Variants in GLIS3 observed in about 807,000 individuals in gnomAD.
GLIS3 encodes zinc finger protein GLIS3.
Under a neutral mutation model 78.6 loss-of-function variants are expected in GLIS3, and 53 were observed. That is an observed-to-expected ratio of 0.67 (90% confidence interval 0.54 to 0.85). The LOEUF (loss-of-function observed/expected upper bound fraction) is 0.85, where lower values mean the gene tolerates loss of function less well. Ranked by LOEUF, GLIS3 falls within the 40% of genes least tolerant of loss-of-function variation. The probability of loss-of-function intolerance (pLI) is 0.00; values close to 1 mark genes in which losing one functional copy is unlikely to be tolerated. For synonymous variants in GLIS3, 684 were observed against 509.9 expected, an observed-to-expected ratio of 1.34 and a Z score of -4.60; for missense variants, 1,703 against 1,231.1, an observed-to-expected ratio of 1.38 and a Z score of -5.74.
chr9:3,952,933 C>T lies in GLIS3; in HGVS notation c.1711-15744G>A, dbSNP rs568227991. On this transcript the variant is annotated intron_variant, in intron 4 of 10. Transcript: ENST00000381971. ...GGGGAGCTAACTGATAATCCCAGCC[C>T]AGCTTTTCCCTTATGCGAGTCTTAT... Among the ~76,000 whole-genome samples the T allele has an allele frequency of 1.2e-4, 19 of 152,286 alleles. No homozygotes were observed. In the East Asian group the frequency reaches 2.5e-3, roughly 20 times the overall value.
chr9:4,021,063 C>T (rs1822845293), intron 4 of GLIS3, among the ~76,000 whole-genome samples: 1 of 152,196 alleles, frequency 6.6e-6, no homozygotes, highest in Non-Finnish European at 1.5e-5. Flanking sequence ...TTGGATAAGT[C>T]CCTCAAAGAG....
chr9:4,297,165 A>T (rs1353122343), intron 1 of GLIS3, among the ~76,000 whole-genome samples: 1 of 152,114 alleles, frequency 6.6e-6, no homozygotes, highest in Non-Finnish European at 1.5e-5. Flanking sequence ...TCCAGTGAGG[A>T]ACAAGACAGA....
At chr9:4,085,003 G>C (rs536250269) in intron 4 of GLIS3, among the ~76,000 whole-genome samples, 1 of 123,610 alleles carries the variant, frequency 8.1e-6, no homozygotes, top group African/African-American at 2.9e-5. Flanking sequence ...ACTTTTGGGA[G>C]GAATAAAAAA....
chr9:3,984,239 T>G (rs952878239), intron 4 of GLIS3, among the ~76,000 whole-genome samples: 10 of 152,238 alleles, frequency 6.6e-5, no homozygotes, highest in Non-Finnish European at 1.3e-4. Flanking sequence ...CAGCTTGCAC[T>G]TTGTACCTAG....
At chr9:4,225,001 C>T (rs1821647792) in intron 2 of GLIS3, among the ~76,000 whole-genome samples, 1 of 151,574 alleles carries the variant, frequency 6.6e-6, no homozygotes, top group African/African-American at 2.4e-5. Flanking sequence ...TATAGATCTT[C>T]CTACTATTTT....
chr9:4,100,072 TTTTGA>T (rs1830249689), intron 4 of GLIS3, among the ~76,000 whole-genome samples: 1 of 152,190 alleles, frequency 6.6e-6, no homozygotes. Flanking sequence ...CAGAAGAATG[TTTTGA>T]AACGTAAAAT....
the GLIS3 span, among the ~76,000 whole-genome samples, chr9:4,411,675 CCTTAA>C: frequency 5.1e-4 from 78 of 152,244 alleles, no homozygotes; most frequent in African/African-American, 1.7e-3. Context: ...TGGTAGACAA[CCTTAA>C]CTTCTCTTCT....
chr9:4,162,666 C>T (rs1249524355), intron 2 of GLIS3, among the ~76,000 whole-genome samples: 2 of 151,990 alleles, frequency 1.3e-5, no homozygotes, highest in East Asian at 3.9e-4. Flanking sequence ...ACCATCCTGG[C>T]TAACACGGTG....
chr9:3,985,767 C>T (rs1450715397), intron 4 of GLIS3, among the ~76,000 whole-genome samples: 1 of 152,208 alleles, frequency 6.6e-6, no homozygotes, highest in Non-Finnish European at 1.5e-5. Context: ...TCATATGCAA[C>T]ATTCAATGGA....
rs186255036 is a variant in GLIS3, at chr9:3,837,374, A to T, written c.2474-7882T>A. ...AGACAGGTTGGCAGTATCTTGCAAA[A>T]CTAAACATATGCTTACCATAGGATT... On this transcript the variant is annotated intron_variant, in intron 9 of 10. Coordinates refer to ENST00000381971, the MANE Select transcript of GLIS3 (RefSeq NM_001042413.2). Among the ~76,000 whole-genome samples the T allele has an allele frequency of 2.7e-4, 41 of 152,306 alleles. 1 individual carries two copies. The East Asian group carries it at 4.6e-3, about 17-fold the overall frequency.
chr9:4,487,599 T>A, the GLIS3 span, among the ~76,000 whole-genome samples: 1 of 152,044 alleles, frequency 6.6e-6, no homozygotes, highest in African/African-American at 2.4e-5. Context: ...CTCAGATGCT[T>A]CCACTTTTTT....
At chr9:4,282,387 C>T (rs1827638989) in intron 2 of GLIS3, among the ~76,000 whole-genome samples, 1 of 152,248 alleles carries the variant, frequency 6.6e-6, no homozygotes, top group African/African-American at 2.4e-5. Flanking sequence ...AAACATATTG[C>T]CCTCCCTAAT....
chr9:3,902,512 ATCT>A (rs1484391183), intron 6 of GLIS3, among the ~76,000 whole-genome samples: 2 of 152,232 alleles, frequency 1.3e-5, no homozygotes, highest in East Asian at 3.8e-4. Context: ...TTTTACCAAC[ATCT>A]TCTTAGCTGT....
intron 4 of GLIS3, among the ~76,000 whole-genome samples, chr9:4,030,068 G>C (rs1010194891): frequency 5.3e-5 from 8 of 152,108 alleles, no homozygotes; most frequent in African/African-American, 1.7e-4. Flanking sequence ...CACCAACAGT[G>C]TATGAAGGGC....
At chr9:4,407,996 A>G in the GLIS3 span, among the ~76,000 whole-genome samples, 1 of 152,226 alleles carries the variant, frequency 6.6e-6, no homozygotes, top group Non-Finnish European at 1.5e-5. Flanking sequence ...ACAAATGGCC[A>G]ATGTATATAA....
the GLIS3 span, among the ~76,000 whole-genome samples, chr9:4,469,106 C>T: frequency 6.6e-6 from 1 of 152,264 alleles, no homozygotes; most frequent in East Asian, 1.9e-4. Context: ...TATATATGCA[C>T]CCAATATGGG....
intron 2 of GLIS3, among the ~76,000 whole-genome samples, chr9:4,197,922 G>A (rs1563740371): frequency 2.0e-5 from 3 of 150,240 alleles, no homozygotes; most frequent in African/African-American, 4.9e-5. Flanking sequence ...AGGAAGGGAG[G>A]GGAAAGGGAA....
the GLIS3 span, among the ~76,000 whole-genome samples, chr9:4,416,812 GTTTTTTTTTTT>G: frequency 6.3e-5 from 6 of 95,822 alleles, no homozygotes; most frequent in African/African-American, 2.4e-4. Flanking sequence ...CCCATAGTCA[GTTTTTTTTTTT>G]TTTTTTTTTT....
At chr9:4,264,740 T>G (rs1348139501) in intron 2 of GLIS3, among the ~76,000 whole-genome samples, 1 of 152,170 alleles carries the variant, frequency 6.6e-6, no homozygotes, top group Non-Finnish European at 1.5e-5. Context: ...CCTATAGCAC[T>G]TATTAACCCC....
Sources: allele counts gnomAD v4.1 joint callset (sites outside exome capture counted in the v4.1 genomes callset), GRCh38; gene constraint gnomAD v4.1.1; transcripts MANE v1.5; gene names NCBI Gene and HGNC (gene_info 2026-07-23, HGNC 2026-07-21).